LNPK: variants seen among roughly 807,000 people sequenced by gnomAD.
LNPK encodes endoplasmic reticulum junction formation protein lunapark.
Under a neutral mutation model 55.2 loss-of-function variants are expected in LNPK, and 29 were observed. That is an observed-to-expected ratio of 0.53 (90% CI 0.39 to 0.72). The LOEUF (loss-of-function observed/expected upper bound fraction) is 0.72. Among genes scored for constraint, LNPK ranks in the 30% least tolerant of loss-of-function variants. The probability of loss-of-function intolerance (pLI) is 0.00; values close to 1 mark genes in which losing one functional copy is unlikely to be tolerated. For missense variants in LNPK, 467 were observed against 494.8 expected (o/e 0.94, Z 0.53); for synonymous variants, 162 against 168.2 (o/e 0.96, Z 0.29).
chr2:175,940,353 A>G (rs1386612122), intron 9 of LNPK, among the ~76,000 whole-genome samples: 8 of 151,904 alleles, frequency 5.3e-5, no homozygotes, highest in African/African-American at 1.7e-4. Flanking sequence ...AAAGAACAAC[A>G]AAGATTTGCA....
At chr2:176,001,115 A>T (rs1688144347) in intron 1 of LNPK, among the ~76,000 whole-genome samples, 1 of 152,192 alleles carries the variant, frequency 6.6e-6, no homozygotes, top group South Asian at 2.1e-4. Flanking sequence ...GACAACCTTA[A>T]AATTCTAATT....
chr2:175,993,706 T>C (rs530415065), intron 2 of LNPK, among the ~76,000 whole-genome samples: 2 of 152,090 alleles, frequency 1.3e-5, no homozygotes, highest in South Asian at 2.1e-4. Context: ...GGCACGAGAA[T>C]TGATTGAACC....
intron 8 of LNPK, among the ~76,000 whole-genome samples, chr2:175,954,060 C>T (rs997523603): frequency 2.0e-5 from 3 of 152,116 alleles, no homozygotes; most frequent in Admixed American, 1.3e-4. Flanking sequence ...CTTTTTCAAT[C>T]CTATTCTCAC....
In LNPK at chr2:175,928,240, T is replaced by C. The variant is rs905833310; in HGVS notation, c.*1727A>G. The C allele has an allele frequency of 1.3e-5, 2 of 152,192 alleles. No individual in the cohort carries two copies. Among genetic ancestry groups the C allele is most frequent in the Admixed American group, 6.5e-5 (1 of 15,276 alleles). The allele number at this position is 152,192 out of a possible 1,614,324, so 9.4% of individuals were successfully genotyped here. ...TTTCCTCATCTGCAAGAGGAAAAACTTATGGTCCTTGCATATTTTAAAGAC... is the reference window on the plus strand; with the variant it reads ...TTTCCTCATCTGCAAGAGGAAAAACCTATGGTCCTTGCATATTTTAAAGAC... On this transcript the variant is annotated 3_prime_UTR_variant, in exon 13 of 13. Coordinates refer to ENST00000272748, the MANE Select transcript of LNPK (RefSeq NM_030650.3).
intron 12 of LNPK, among the ~76,000 whole-genome samples, chr2:175,933,372 TTAAA>T (rs1439822120): frequency 5.3e-5 from 8 of 152,246 alleles, no homozygotes; most frequent in African/African-American, 1.9e-4. Flanking sequence ...CTTAAGAAAA[TTAAA>T]TAATAGTCTA....
rs998524630 is a variant in LNPK at position 175,926,492 on chromosome 2, T to C, written c.*3475A>G. The stretch of plus-strand genomic sequence containing the variant: ...GTTCCAGAACTGTGAGCCAAATAAA[T>C]TTTTGTTCATCACGTTACCCAGTCT... On this transcript the variant is annotated 3_prime_UTR_variant, in exon 13 of 13. Transcript: ENST00000272748. 3.3e-5 allele frequency: 5 copies of C among 152,246 alleles called. No homozygotes were observed. The highest frequency in any genetic ancestry group is 3.3e-4 in the Admixed American group (5 of 15,282). The allele number at this position is 152,246 out of a possible 1,614,324, so 9.4% of individuals were successfully genotyped here. A position where few individuals can be genotyped will look rare whatever the true frequency, so the allele number is the denominator to read the frequency against.
intron 3 of LNPK, among the ~76,000 whole-genome samples, 196 bp from the exon 4 acceptor site, chr2:175,992,614 C>CTTA (rs1410515253): frequency 1.3e-5 from 2 of 151,950 alleles, no homozygotes; most frequent in African/African-American, 2.4e-5. Context: ...ATGTATAATG[C>CTTA]TTATTCTAAC....
chr2:175,955,006 AC>A (rs1685625128), intron 8 of LNPK, among the ~76,000 whole-genome samples: 1 of 152,242 alleles, frequency 6.6e-6, no homozygotes, highest in African/African-American at 2.4e-5. Context: ...GTGAGGACTG[AC>A]AACTTAGTCA....
intron 1 of LNPK, among the ~76,000 whole-genome samples, chr2:175,998,861 T>C (rs1196746578): frequency 6.6e-6 from 1 of 152,230 alleles, no homozygotes; most frequent in Non-Finnish European, 1.5e-5. Flanking sequence ...TTACTGCATG[T>C]CAATTTTAAA....
chr2:175,973,400 T>C (rs181822080), intron 5 of LNPK, among the ~76,000 whole-genome samples: 153 of 152,312 alleles, frequency 1.0e-3, no homozygotes, highest in African/African-American at 3.5e-3. Context: ...AGCAATGAAG[T>C]TCCCTTTGGC....
At position 175,930,179 on chromosome 2, in the gene LNPK, G is replaced by C. The variant is rs775239596; in HGVS notation, c.1075C>G (p.Leu359Val). Residue 359 changes from leucine to valine, a missense_variant, in exon 13 of 13, where the codon CTT becomes GTT. Leu to Val is a conservative substitution (Grantham distance 32). Transcript: ENST00000272748. The stretch of plus-strand genomic sequence containing the variant: ...TCTGTCTGCTCTGTATTATCATCAA[G>C]AACATCGTGTTCTAAAGATTCTGAA... ...FNEESLEHDV[L>V]DDNTEQTDDK... 2 of 1,612,260 alleles carry C rather than the reference G, an allele frequency of 1.2e-6. No homozygotes were observed. Among genetic ancestry groups the C allele is most frequent in the Middle Eastern group, 1.6e-4 (1 of 6,080 alleles).
chr2:175,992,243 GC>G lies in LNPK; in HGVS notation c.244del (p.Ala82LeufsTer4). On this transcript the variant is annotated frameshift_variant, in exon 4 of 13. Coordinates refer to ENST00000272748, the MANE Select transcript of LNPK (RefSeq NM_030650.3). LOFTEE classifies it high-confidence loss of function. ...ARLAMTLPFF[A>X]FPLIIWSIRT... is the part of the protein sequence containing the mutation. ...ATAATTTACTTACATCAATGGAAAA[GC>G]AAAAAATGGGAGTGTCATGGCAAGT... The G allele has an allele frequency of 6.4e-7, 1 of 1,554,106 alleles. No homozygotes were observed. The highest frequency in any genetic ancestry group is 8.6e-7 in the Non-Finnish European group (1 of 1,160,750).
At chr2:175,930,503 G>C (rs192429108) in intron 12 of LNPK, among the ~76,000 whole-genome samples, 127 of 152,192 alleles carry the variant, frequency 8.3e-4, no homozygotes, top group Admixed American at 2.0e-3. Context: ...TCTGAAAGTT[G>C]AAGTCCAAAA....
At chr2:175,943,040 C>T (rs1229539182) in intron 9 of LNPK, among the ~76,000 whole-genome samples, 1 of 151,256 alleles carries the variant, frequency 6.6e-6, no homozygotes, top group African/African-American at 2.4e-5. Flanking sequence ...AACTTAATGC[C>T]AATAAATTCT....
At chr2:175,965,554 T>C (rs939363377) in intron 6 of LNPK, among the ~76,000 whole-genome samples, 4 of 152,214 alleles carry the variant, frequency 2.6e-5, no homozygotes, top group African/African-American at 9.6e-5. Context: ...ACATTTATTT[T>C]AAAATGCAAC....
At chr2:175,949,163 T>TTA (rs1685284586) in intron 8 of LNPK, among the ~76,000 whole-genome samples, 1 of 152,150 alleles carries the variant, frequency 6.6e-6, no homozygotes, top group Non-Finnish European at 1.5e-5. Context: ...CAATAATAAA[T>TTA]TATAAGCACA....
chr2:175,962,398 C>G (rs1409370722), intron 8 of LNPK, among the ~76,000 whole-genome samples: 1 of 152,074 alleles, frequency 6.6e-6, no homozygotes, highest in African/African-American at 2.4e-5. Context: ...GAAATAACAC[C>G]ACACATCTAC....
intron 12 of LNPK, among the ~76,000 whole-genome samples, chr2:175,933,825 G>A (rs1279101952): frequency 7.2e-6 from 1 of 139,306 alleles, no homozygotes; most frequent in African/African-American, 2.7e-5. Flanking sequence ...TCCGCCTCCC[G>A]GATTCAGGTG....
intron 12 of LNPK, among the ~76,000 whole-genome samples, chr2:175,934,803 A>T (rs1039807694): frequency 6.6e-6 from 1 of 151,800 alleles, no homozygotes; most frequent in African/African-American, 2.4e-5. Flanking sequence ...AAGACAATCT[A>T]TATCCATAAT....
Sources: gnomAD v4.1 joint callset for allele counts (sites outside exome capture counted in the v4.1 genomes callset) on GRCh38, gnomAD v4.1.1 for gene constraint, MANE v1.5 for transcripts, NCBI Gene and HGNC (gene_info 2026-07-23, HGNC 2026-07-21) for gene names.